The following DPP10 variants were observed in gnomAD, a reference collection of about 807,000 sequenced individuals.
The protein encoded by DPP10 is dipeptidyl peptidase like 10, also known as inactive dipeptidyl peptidase 10.
A neutral mutation model predicts 120.9 loss-of-function variants in DPP10; 33 were observed. That is an observed-to-expected ratio of 0.27 (90% CI 0.21 to 0.37). The LOEUF (loss-of-function observed/expected upper bound fraction) is 0.37. Ranked by LOEUF, DPP10 falls within the 10% of genes least tolerant of loss-of-function variation. DPP10 has a pLI of 1.00. For synonymous variants in DPP10, 337 were observed against 326.1 expected (o/e 1.03, Z -0.36); for missense variants, 816 against 942.8 (o/e 0.87, Z 1.76).
At chr2:114,924,082 C>T (rs1392480216) in intron 1 of DPP10, among the ~76,000 whole-genome samples, 2 of 152,092 alleles carry the variant, frequency 1.3e-5, no homozygotes, top group Non-Finnish European at 2.9e-5. Flanking sequence ...GATTAACTTG[C>T]TTTCTGTGGC....
chr2:114,710,504 G>A (rs1700956842), intron 1 of DPP10, among the ~76,000 whole-genome samples: 1 of 152,192 alleles, frequency 6.6e-6, no homozygotes, highest in Non-Finnish European at 1.5e-5. Flanking sequence ...CAGCAATCTG[G>A]GAGGCCAAGG....
At chr2:114,797,593 A>G (rs1284693909) in intron 1 of DPP10, among the ~76,000 whole-genome samples, 6 of 152,254 alleles carry the variant, frequency 3.9e-5, no homozygotes, top group Non-Finnish European at 8.8e-5. Flanking sequence ...CCAATGTTTG[A>G]ACAACTAGAG....
At chr2:115,283,990 A>G (rs936824762) in intron 1 of DPP10, among the ~76,000 whole-genome samples, 17 of 152,082 alleles carry the variant, frequency 1.1e-4, no homozygotes, top group African/African-American at 3.4e-4. Context: ...TGTTTGCACA[A>G]TGACAACATA....
At chr2:115,516,091 A>G (rs1033888367) in intron 4 of DPP10, among the ~76,000 whole-genome samples, 6 of 152,144 alleles carry the variant, frequency 3.9e-5, no homozygotes, top group Non-Finnish European at 5.9e-5. Flanking sequence ...ATAAAAATGC[A>G]AGTTTAGTGC....
At position 115,652,737 on chromosome 2, in the gene DPP10, A is replaced by G. The variant is rs774700933; in HGVS notation, c.442-36950A>G. 1.6e-4 allele frequency among the ~76,000 whole-genome samples: 24 copies of G among 151,662 alleles called. No individual in the cohort carries two copies. In the Middle Eastern group the frequency reaches 0.014, roughly 86 times the overall value. ...GAAAGCGAATCATCTCTTATTCTGC[A>G]TTTTGTTTGATTCAAGCCTCCATGG... On this transcript the variant is annotated intron_variant, in intron 5 of 25. Coordinates refer to ENST00000410059, the MANE Select transcript of DPP10 (RefSeq NM_020868.6).
At chr2:115,376,264 A>G (rs974936886) in intron 3 of DPP10, among the ~76,000 whole-genome samples, 8 of 152,232 alleles carry the variant, frequency 5.3e-5, no homozygotes, top group Non-Finnish European at 1.2e-4. Context: ...TATACAGCCT[A>G]GAATACGAAT....
chr2:114,949,917 A>G (rs1697649103), intron 1 of DPP10, among the ~76,000 whole-genome samples: 1 of 152,122 alleles, frequency 6.6e-6, no homozygotes, highest in African/African-American at 2.4e-5. Flanking sequence ...AACCCATCAA[A>G]TTCCTTGTTT....
chr2:114,785,818 C>T (rs10195895), intron 1 of DPP10, among the ~76,000 whole-genome samples: 5,248 of 152,254 alleles, frequency 0.034, 321 homozygotes, highest in African/African-American at 0.12. Flanking sequence ...AGTTATTCCA[C>T]GTTAACCTGT....
chr2:114,679,691 T>C (rs1018362930), intron 1 of DPP10, among the ~76,000 whole-genome samples: 2 of 152,072 alleles, frequency 1.3e-5, no homozygotes, highest in Non-Finnish European at 1.5e-5. Flanking sequence ...TAATCTATCA[T>C]AAATTACTTA....
chr2:114,662,265 A>C (rs774229489), intron 1 of DPP10, among the ~76,000 whole-genome samples: 1 of 152,204 alleles, frequency 6.6e-6, no homozygotes, highest in Non-Finnish European at 1.5e-5. Context: ...CGTGGGAAGA[A>C]ACCCGAAGGA....
intron 21 of DPP10, among the ~76,000 whole-genome samples, chr2:115,826,077 T>C (rs1451137229): frequency 6.6e-6 from 1 of 152,186 alleles, no homozygotes; most frequent in Non-Finnish European, 1.5e-5. Context: ...GAAACATCAT[T>C]ATCATGCTGA....
chr2:114,866,148 T>TAAATAAAC (rs1325415816), intron 1 of DPP10, among the ~76,000 whole-genome samples: 17 of 150,406 alleles, frequency 1.1e-4, no homozygotes, highest in East Asian at 1.9e-4. Context: ...AATAAATAAA[T>TAAATAAAC]AAACTTATAT....
chr2:115,661,897 CT>C (rs972607799), intron 5 of DPP10, among the ~76,000 whole-genome samples: 12 of 152,164 alleles, frequency 7.9e-5, no homozygotes, highest in Admixed American at 2.0e-4. Flanking sequence ...GATCTATCCT[CT>C]TAGCACATTT....
chr2:114,626,268 A>G (rs145719267), intron 1 of DPP10, among the ~76,000 whole-genome samples: 10 of 152,136 alleles, frequency 6.6e-5, no homozygotes, highest in African/African-American at 2.2e-4. Context: ...TTTTGTCCTT[A>G]GGGTATATCT....
chr2:114,913,329 CT>C (rs1694523821), intron 1 of DPP10, among the ~76,000 whole-genome samples: 1 of 152,174 alleles, frequency 6.6e-6, no homozygotes, highest in African/African-American at 2.4e-5. Flanking sequence ...CACTGAAGCA[CT>C]TTTGCCAGCA....
chr2:114,503,687 G>A (rs1683394952), intron 1 of DPP10, among the ~76,000 whole-genome samples: 1 of 152,174 alleles, frequency 6.6e-6, no homozygotes. Context: ...ATTAAGACAA[G>A]TGAAACTGTC....
chr2:115,382,822 G>C (rs1047306151), intron 3 of DPP10, among the ~76,000 whole-genome samples: 11 of 152,160 alleles, frequency 7.2e-5, no homozygotes, highest in Non-Finnish European at 1.5e-5. Flanking sequence ...TGGAAAAACT[G>C]AAGATAATAA....
At chr2:114,789,605 G>A (rs1363487937) in intron 1 of DPP10, among the ~76,000 whole-genome samples, 1 of 152,210 alleles carries the variant, frequency 6.6e-6, no homozygotes, top group African/African-American at 2.4e-5. Flanking sequence ...CTTAGAGTGT[G>A]ACAAGCCCTG....
intron 3 of DPP10, among the ~76,000 whole-genome samples, chr2:115,414,893 TAA>T (rs2069250032): frequency 1.7e-5 from 2 of 118,852 alleles, no homozygotes; most frequent in African/African-American, 3.8e-5. Flanking sequence ...GCTTGGAAGG[TAA>T]GTAAGCACTA....
Sources: gnomAD v4.1 joint callset for allele counts (sites outside exome capture counted in the v4.1 genomes callset) on GRCh38, gnomAD v4.1.1 for gene constraint, MANE v1.5 for transcripts, NCBI Gene and HGNC (gene_info 2026-07-23, HGNC 2026-07-21) for gene names.